Variants in GAB1 observed in about 807,000 individuals in gnomAD.
GAB1 encodes GRB2-associated-binding protein 1.
GAB1 carries 19 observed loss-of-function variants against 66.5 expected under a neutral mutation model. The ratio of observed to expected loss-of-function variants is 0.29; its 90% CI spans 0.20 to 0.42. The LOEUF (loss-of-function observed/expected upper bound fraction) is 0.42. GAB1 is among the 10% of genes least tolerant of loss of function. GAB1 has a pLI of 1.00. For missense variants in GAB1, 732 were observed against 858.5 expected, an observed-to-expected ratio of 0.85 and a Z score of 1.84; for synonymous variants, 294 against 301.4, an observed-to-expected ratio of 0.98 and a Z score of 0.25.
chr4:143,467,650 C>A (rs1055644845), intron 9 of GAB1, among the ~76,000 whole-genome samples: 1 of 152,088 alleles, frequency 6.6e-6, no homozygotes, highest in Non-Finnish European at 1.5e-5. Context: ...TTTTGTTGAA[C>A]ATATCTTCTG....
At chr4:143,416,948 G>T (rs569489750) in intron 2 of GAB1, among the ~76,000 whole-genome samples, 4 of 152,050 alleles carry the variant, frequency 2.6e-5, no homozygotes, top group Non-Finnish European at 5.9e-5. Context: ...AATAGCCAAG[G>T]TAATTATCAT....
intron 6 of GAB1, among the ~76,000 whole-genome samples, chr4:143,456,205 C>T (rs1265481619): frequency 2.6e-5 from 4 of 152,152 alleles, no homozygotes; most frequent in Non-Finnish European, 5.9e-5. Flanking sequence ...CGCCTGTAAT[C>T]CCAGCACTTT....
intron 1 of GAB1, among the ~76,000 whole-genome samples, chr4:143,406,808 TG>T (rs1732071802): frequency 6.6e-6 from 1 of 152,238 alleles, no homozygotes; most frequent in African/African-American, 2.4e-5. Flanking sequence ...CGTCTCCTCT[TG>T]GTTAGGGTAA....
intron 1 of GAB1, among the ~76,000 whole-genome samples, chr4:143,375,768 C>T (rs982418100): frequency 6.6e-6 from 1 of 152,096 alleles, no homozygotes; most frequent in African/African-American, 2.4e-5. Context: ...GATATTGTGG[C>T]CTGGATGATT....
intron 1 of GAB1, among the ~76,000 whole-genome samples, chr4:143,383,003 ATTTAACAGTTG>A (rs1560731162): frequency 2.0e-5 from 3 of 152,108 alleles, no homozygotes; most frequent in Non-Finnish European, 2.9e-5. Context: ...CTTCTTTTTA[ATTTAACAGTTG>A]TTTTCTGCTG....
intron 1 of GAB1, among the ~76,000 whole-genome samples, chr4:143,365,034 C>T (rs928823083): frequency 1.1e-4 from 16 of 151,804 alleles, no homozygotes; most frequent in Non-Finnish European, 1.5e-4. Flanking sequence ...CCCGCCACCA[C>T]GCCTGGCTAA....
chr4:143,416,593 G>A (rs1732704705), intron 2 of GAB1, among the ~76,000 whole-genome samples: 1 of 152,048 alleles, frequency 6.6e-6, no homozygotes, highest in African/African-American at 2.4e-5. Flanking sequence ...GGCCAACATG[G>A]TGAAATTCCA....
At chr4:143,446,018 C>T (rs1360033974) in intron 6 of GAB1, among the ~76,000 whole-genome samples, 1 of 151,958 alleles carries the variant, frequency 6.6e-6, no homozygotes, top group African/African-American at 2.4e-5. Context: ...TGTTCAATTC[C>T]CATCTATGAG....
At chr4:143,430,450 T>TA (rs1289544772) in intron 2 of GAB1, among the ~76,000 whole-genome samples, 1 of 152,194 alleles carries the variant, frequency 6.6e-6, no homozygotes, top group Non-Finnish European at 1.5e-5. Context: ...CCCATGTACC[T>TA]AAACATGTCA....
chr4:143,409,840 C>T (rs942557290), intron 1 of GAB1, among the ~76,000 whole-genome samples: 3 of 152,098 alleles, frequency 2.0e-5, no homozygotes, highest in Admixed American at 6.5e-5. Flanking sequence ...AAGAATGAGA[C>T]GTAAGCTTGA....
intron 1 of GAB1, among the ~76,000 whole-genome samples, chr4:143,413,824 CT>C (rs35422180): frequency 0.16 from 10,660 of 68,256 alleles, 232 homozygotes; most frequent in African/African-American, 0.22. Flanking sequence ...CCCCGCTGCC[CT>C]TTTTTTTTTT....
intron 1 of GAB1, among the ~76,000 whole-genome samples, chr4:143,376,372 TA>T (rs1234751348): frequency 6.6e-6 from 1 of 152,154 alleles, no homozygotes; most frequent in Non-Finnish European, 1.5e-5. Context: ...GCAGCACTAC[TA>T]AAAAAGAATT....
At chr4:143,420,066 G>A (rs947830679) in intron 2 of GAB1, among the ~76,000 whole-genome samples, 18 of 151,992 alleles carry the variant, frequency 1.2e-4, no homozygotes, top group African/African-American at 4.3e-4. Context: ...CCACTGACTT[G>A]ACTACCTGTT....
At chr4:143,356,508 A>G (rs1729453195) in intron 1 of GAB1, among the ~76,000 whole-genome samples, 1 of 152,214 alleles carries the variant, frequency 6.6e-6, no homozygotes, top group Admixed American at 6.5e-5. Flanking sequence ...GAGTCACTTG[A>G]ATATCAAAAT....
chr4:143,375,194 C>T (rs996035485), intron 1 of GAB1, among the ~76,000 whole-genome samples: 6 of 152,202 alleles, frequency 3.9e-5, no homozygotes, highest in Non-Finnish European at 7.3e-5. Context: ...GCGATGTGCC[C>T]GCCTTGGCCT....
intron 1 of GAB1, among the ~76,000 whole-genome samples, chr4:143,351,926 C>T (rs1319697971): frequency 3.3e-5 from 5 of 152,062 alleles, no homozygotes; most frequent in Non-Finnish European, 7.4e-5. Context: ...AGTATATTTC[C>T]CTATGTTGCC....
chr4:143,409,949 G>A (rs1369757663), intron 1 of GAB1, among the ~76,000 whole-genome samples: 1 of 151,920 alleles, frequency 6.6e-6, no homozygotes, highest in African/African-American at 2.4e-5. Flanking sequence ...AATCATGGTG[G>A]CACATTAGAA....
At position 143,469,606 on chromosome 4, in the gene GAB1, G is replaced by A. The variant is rs1204472577; in HGVS notation, c.*417G>A. On this transcript the variant is annotated 3_prime_UTR_variant, in exon 10 of 10. Coordinates refer to ENST00000262994, the MANE Select transcript of GAB1 (RefSeq NM_002039.4). The stretch of plus-strand genomic sequence containing the variant: ...TAAGCTACTTTTAGATTTGGAAATT[G>A]CTGTTTACAGTCTAACAACATTAAA... 6.0e-6 allele frequency: 1 copy of A among 167,168 alleles called. No individual in the cohort carries two copies. The highest frequency in any genetic ancestry group is 2.4e-5 in the African/African-American group (1 of 41,882). The allele number at this position is 167,168 out of a possible 1,614,324, so 10.4% of individuals were successfully genotyped here.
At chr4:143,411,844 A>T (rs1368973059) in intron 1 of GAB1, among the ~76,000 whole-genome samples, 1 of 152,144 alleles carries the variant, frequency 6.6e-6, no homozygotes. Context: ...AGTTTATGTA[A>T]TTGCTTTTGT....
Sources: allele counts gnomAD v4.1 joint callset (sites outside exome capture counted in the v4.1 genomes callset), GRCh38; gene constraint gnomAD v4.1.1; transcripts MANE v1.5; gene names NCBI Gene and HGNC (gene_info 2026-07-23, HGNC 2026-07-21).